PSME4: variants seen among roughly 807,000 people sequenced by gnomAD.
The protein encoded by PSME4 is proteasome activator subunit 4, also known as proteasome activator complex subunit 4.
Under a neutral mutation model 253.9 loss-of-function variants are expected in PSME4, and 89 were observed. The ratio of observed to expected loss-of-function variants is 0.35; its 90% CI spans 0.30 to 0.42. PSME4 has a LOEUF of 0.42. Ranked by LOEUF, PSME4 falls within the 10% of genes least tolerant of loss-of-function variation. The probability of loss-of-function intolerance (pLI) is 1.00; values close to 1 mark genes in which losing one functional copy is unlikely to be tolerated. For synonymous variants in PSME4, 851 were observed against 759.2 expected, an observed-to-expected ratio of 1.12 and a Z score of -1.99; for missense variants, 2,014 against 2,195.2, an observed-to-expected ratio of 0.92 and a Z score of 1.65.
chr2:53,910,210 G>A (rs1667768565), intron 20 of PSME4, 80 bp from the exon 21 acceptor site: 2 of 1,129,968 alleles, frequency 1.8e-6, no homozygotes, highest in South Asian at 1.3e-5. Context: ...TTGCTGGACT[G>A]TTTAAACCAA....
At chr2:53,907,345 C>A (rs1680706582) in intron 24 of PSME4, among the ~76,000 whole-genome samples, 1 of 152,144 alleles carries the variant, frequency 6.6e-6, no homozygotes, top group Admixed American at 6.5e-5. Flanking sequence ...TCACCAAAGG[C>A]AGATAGTTGA....
chr2:53,946,569 T>A (rs718872), intron 3 of PSME4, among the ~76,000 whole-genome samples: 82,076 of 152,044 alleles, frequency 0.54, 22,510 homozygotes, highest in East Asian at 0.72. Flanking sequence ...ATATTTACAA[T>A]CAAAGCTTTT....
intron 35 of PSME4, among the ~76,000 whole-genome samples, 193 bp from the exon 36 acceptor site, chr2:53,893,153 C>G (rs1208402529): frequency 6.6e-6 from 1 of 152,028 alleles, no homozygotes; most frequent in African/African-American, 2.4e-5. Flanking sequence ...TAAAATGTAA[C>G]CAATGAAACA....
At chr2:53,938,298 T>C (rs1669218364) in intron 4 of PSME4, among the ~76,000 whole-genome samples, 1 of 151,926 alleles carries the variant, frequency 6.6e-6, no homozygotes, top group Non-Finnish European at 1.5e-5. Flanking sequence ...GAACACAGAG[T>C]CCTCCCCTAT....
rs1346151867 is a variant in PSME4, at chr2:53,925,605, C to T, written c.1743G>A (p.Leu581=). The change falls in exon 14 of 47, where the codon TTG becomes TTA. Residue 581 remains leucine (L), a synonymous_variant. Transcript: ENST00000404125. ...ACGTAGAAGACAGACCTAATTCGAC[C>T]AAACTCTCCAAGTGTGTCATTTTCT... ...ETEKMTHLES[L]VELGLSSTFS... is the part of the protein sequence containing the mutation. 6.2e-7 allele frequency: 1 copy of T among 1,610,032 alleles called. No homozygotes were observed. The highest frequency in any genetic ancestry group is 8.5e-7 in the Non-Finnish European group (1 of 1,176,722).
chr2:53,906,456 G>A (rs1680663659), intron 26 of PSME4, 142 bp downstream of exon 26: 3 of 1,279,362 alleles, frequency 2.3e-6, no homozygotes, highest in South Asian at 5.1e-5. Flanking sequence ...GGTAATTACT[G>A]GAAATTACAA....
intron 29 of PSME4, 80 bp from the exon 30 acceptor site, chr2:53,898,434 C>A: frequency 9.1e-7 from 1 of 1,098,264 alleles, no homozygotes. Flanking sequence ...CAAATTCTAG[C>A]CAATTTCACC....
At position 53,932,074 on chromosome 2, in the gene PSME4, C is replaced by T. The variant is rs1470302261; in HGVS notation, c.1077G>A (p.Arg359=). 2 of 1,613,936 alleles carry T rather than the reference C, an allele frequency of 1.2e-6. No individual in the cohort carries two copies. The highest frequency in any genetic ancestry group is 4.5e-5 in the East Asian group (2 of 44,890). The change falls in exon 10 of 47, where the codon CGG becomes CGA. Residue 359 remains arginine (R), a synonymous_variant. Coordinates refer to ENST00000404125, the MANE Select transcript of PSME4 (RefSeq NM_014614.3). ...ATCTTCTAACAACACTGTTTGGCAA[C>T]CGCTGAAGTAGTTTCATTAACTTGT... ...WLNKLMKLLQ[R]LPNSVVRRLH... is the part of the protein sequence containing the mutation.
intron 21 of PSME4, among the ~76,000 whole-genome samples, chr2:53,909,725 G>T (rs1319195877): frequency 6.6e-6 from 1 of 152,192 alleles, no homozygotes; most frequent in African/African-American, 2.4e-5. Context: ...ACTCTGGGAA[G>T]CGGAGGTGGG....
intron 9 of PSME4, 135 bp from the exon 10 acceptor site, chr2:53,932,235 C>A: frequency 1.4e-6 from 1 of 726,724 alleles, no homozygotes; most frequent in Middle Eastern, 3.2e-4. Context: ...AACTGCACAG[C>A]ATAACTAGAT....
chr2:53,948,565 A>G, intron 2 of PSME4, 28 bp from the exon 3 acceptor site: 5 of 1,276,116 alleles, frequency 3.9e-6, no homozygotes, highest in East Asian at 2.3e-5. Flanking sequence ...ATAAATACCT[A>G]TGTATGCATA....
intron 1 of PSME4, among the ~76,000 whole-genome samples, chr2:53,965,040 T>A (rs550589670): frequency 1.3e-5 from 2 of 152,148 alleles, no homozygotes; most frequent in South Asian, 4.2e-4. Flanking sequence ...ATTTGCTTCA[T>A]CTTACACCAA....
chr2:53,880,903 A>T (rs995089458), intron 41 of PSME4, among the ~76,000 whole-genome samples: 6 of 152,218 alleles, frequency 3.9e-5, no homozygotes, highest in Non-Finnish European at 7.3e-5. Flanking sequence ...GTGGTATAAA[A>T]AAGAAGATAT....
chr2:53,921,690 A>C, intron 17 of PSME4, among the ~76,000 whole-genome samples: 1 of 133,104 alleles, frequency 7.5e-6, no homozygotes, highest in South Asian at 2.5e-4. Context: ...AAAACGGTGA[A>C]ACCCCGTCTC....
chr2:53,939,443 T>C (rs1293306512), intron 4 of PSME4, among the ~76,000 whole-genome samples: 1 of 152,166 alleles, frequency 6.6e-6, no homozygotes, highest in African/African-American at 2.4e-5. Flanking sequence ...ATAGGATAAT[T>C]GGCTGGGAGT....
At position 53,970,587 on chromosome 2, in the gene PSME4, T is replaced by C; in HGVS notation, c.198A>G (p.Gln66=). 2 of 1,548,550 alleles carry C rather than the reference T, an allele frequency of 1.3e-6. No homozygotes were observed. The highest frequency in any genetic ancestry group is 8.7e-7 in the Non-Finnish European group (1 of 1,146,602). The change falls in exon 1 of 47, where the codon CAA becomes CAG. Residue 66 remains glutamine, a synonymous_variant. Coordinates refer to ENST00000404125, the MANE Select transcript of PSME4 (RefSeq NM_014614.3). ...AGAAGAGGCCCCCGGGCCACAGCTC[T>C]TGGAGCTGCACGGCCCGGCCCAGGT... ...KCNLGRAVQL[Q]ELWPGGLFWT... is the part of the protein sequence containing the mutation.
intron 1 of PSME4, among the ~76,000 whole-genome samples, chr2:53,951,374 G>A (rs367614657): frequency 5.3e-5 from 8 of 152,170 alleles, no homozygotes; most frequent in Non-Finnish European, 1.0e-4. Context: ...GAGCCACTGC[G>A]CCCAGCACTT....
intron 8 of PSME4, 101 bp downstream of exon 8, chr2:53,934,504 A>C: frequency 8.1e-7 from 1 of 1,231,902 alleles, no homozygotes; most frequent in Non-Finnish European, 1.1e-6. Context: ...CAAGTCACCA[A>C]CCAAGCCACT....
Position 53,947,670 on chromosome 2 carries a change from C to A in PSME4, c.500+751G>T, listed in dbSNP as rs186722958. On this transcript the variant is annotated intron_variant, in intron 3 of 46. Transcript: ENST00000404125. ...GCAGTGAGCTGAGATCGCACCACTG[C>A]ACTCCAGCCTGGGCGACAGAGCGAG... Among the ~76,000 whole-genome samples, 10 of 151,580 alleles carry A rather than the reference C, an allele frequency of 6.6e-5. No homozygotes were observed. In the East Asian group the frequency reaches 9.8e-4, roughly 15 times the overall value.
Sources: allele counts gnomAD v4.1 joint callset (sites outside exome capture counted in the v4.1 genomes callset), GRCh38; gene constraint gnomAD v4.1.1; transcripts MANE v1.5; gene names NCBI Gene and HGNC (gene_info 2026-07-23, HGNC 2026-07-21).